Variants in ADH1B observed in about 807,000 individuals in gnomAD.
The protein encoded by ADH1B is all-trans-retinol dehydrogenase [NAD(+)] ADH1B.
A neutral mutation model predicts 34.6 loss-of-function variants in ADH1B; 29 were observed. That is an observed-to-expected ratio of 0.84 (90% CI 0.62 to 1.14). The LOEUF is 1.14. Ranked by LOEUF, ADH1B falls within the 50% of genes most tolerant of loss-of-function variation. The pLI, the probability that ADH1B is intolerant of heterozygous loss-of-function variation, is 0.00. For missense variants in ADH1B, 424 were observed against 468.4 expected (o/e 0.91, Z 0.87); for synonymous variants, 170 against 175.5 (o/e 0.97, Z 0.25).
chr4:99,314,198 C>T (rs2110634287), intron 5 of ADH1B, 117 bp from the exon 6 acceptor site: 1 of 1,486,398 alleles, frequency 6.7e-7, no homozygotes, highest in Non-Finnish European at 9.0e-7. Context: ...TTTTGTCCAA[C>T]CGTTTATCAA....
At position 99,318,133 on chromosome 4, in the gene ADH1B, G is replaced by C. The variant is rs1733934557; in HGVS notation, c.172C>G (p.Leu58Val). ...HTDDHVVSGN[L>V]VTPLPVILGH... ...AAAATCACAGGAAGGGGGGTCACCA[G>C]GTTGCCACTAACCACGTGGTCATCT... The change falls in exon 3 of 9, where the codon CTG (leucine) becomes GTG (valine). Residue 58 changes from leucine to valine, a missense_variant. Coordinates refer to ENST00000305046, the MANE Select transcript of ADH1B (RefSeq NM_000668.6). 1 of 1,614,120 alleles carries C rather than the reference G, an allele frequency of 6.2e-7. No individual in the cohort carries two copies. Among genetic ancestry groups the C allele is most frequent in the Non-Finnish European group, 8.5e-7 (1 of 1,180,008 alleles).
chr4:99,307,948 T>A, intron 8 of ADH1B, 84 bp from the exon 9 acceptor site: 2 of 1,574,314 alleles, frequency 1.3e-6, no homozygotes, highest in Non-Finnish European at 8.7e-7. Context: ...ATCTGAGGTG[T>A]CTTAGTGAAA....
chr4:99,317,518 C>G, intron 3 of ADH1B: 1 of 152,480 alleles, frequency 6.6e-6, no homozygotes, highest in Non-Finnish European at 1.5e-5. Context: ...TGATTCCATG[C>G]TCAGGAAGAG....
At chr4:99,308,493 ACG>A (rs1347209769) in intron 8 of ADH1B, among the ~76,000 whole-genome samples, 1 of 151,714 alleles carries the variant, frequency 6.6e-6, no homozygotes. Flanking sequence ...GACCTTTGAT[ACG>A]GATGTTTAAG....
intron 8 of ADH1B, chr4:99,310,308 T>G (rs1040901512): frequency 2.3e-6 from 1 of 432,962 alleles, no homozygotes; most frequent in African/African-American, 2.1e-5. Context: ...TAGAAAACAA[T>G]CCCAATGTAG....
In ADH1B at chr4:99,316,277, A is replaced by G; in HGVS notation, c.285T>C (p.Thr95=). 3 of 1,614,196 alleles carry G rather than the reference A, an allele frequency of 1.9e-6. No homozygotes were observed. The highest frequency in any genetic ancestry group is 2.5e-6 in the Non-Finnish European group (3 of 1,180,028). The change falls in exon 4 of 9, where the codon ACT becomes ACC. Residue 95 remains threonine (T), a synonymous_variant. Transcript: ENST00000305046. ...AAACTCTGCATTTTCCACACTGAGG[A>G]GTAAAGAGCGGGATGACTTTATCAC... The part of the protein sequence containing the change: ...KPGDKVIPLF[T]PQCGKCRVCK...
At chr4:99,316,189 G>C (rs1560528938) in intron 4 of ADH1B, 26 bp downstream of exon 4, 1 of 1,613,994 alleles carries the variant, frequency 6.2e-7, no homozygotes, top group Non-Finnish European at 8.5e-7. Context: ...CTCAAAGTCT[G>C]TGCAAAGAGA....
chr4:99,321,311 T>A lies in ADH1B; in HGVS notation c.18+3A>T. The stretch of plus-strand genomic sequence containing the variant: ...TACCAACAGTAATATATTTTTTGCT[T>A]ACTTTTCCTGCTGTGCTCATGTCGT... On this transcript the variant is annotated splice_donor_region_variant and intron_variant, in intron 1 of 8. Coordinates refer to ENST00000305046, the MANE Select transcript of ADH1B (RefSeq NM_000668.6). The A allele has an allele frequency of 6.2e-7, 1 of 1,610,904 alleles. No homozygotes were observed. Among genetic ancestry groups the A allele is most frequent in the Non-Finnish European group, 8.5e-7 (1 of 1,177,766 alleles).
intron 8 of ADH1B, among the ~76,000 whole-genome samples, chr4:99,308,495 G>T (rs1356001371): frequency 6.6e-6 from 1 of 151,382 alleles, no homozygotes; most frequent in Admixed American, 6.6e-5. Context: ...CCTTTGATAC[G>T]GATGTTTAAG....
intron 3 of ADH1B, 81 bp downstream of exon 3, chr4:99,317,965 C>G: frequency 2.6e-5 from 41 of 1,580,702 alleles, no homozygotes; most frequent in Non-Finnish European, 3.4e-5. Context: ...ACTTTCGTCT[C>G]TCATTGCCTT....
At chr4:99,312,056 CATT>C (rs1446764255) in intron 6 of ADH1B, among the ~76,000 whole-genome samples, 2 of 152,176 alleles carry the variant, frequency 1.3e-5, no homozygotes, top group Non-Finnish European at 2.9e-5. Flanking sequence ...ATGTTTTAAA[CATT>C]GTTTTTTTAC....
chr4:99,310,582 T>TG (rs1399650500), intron 8 of ADH1B, among the ~76,000 whole-genome samples, 183 bp downstream of exon 8: 6 of 152,200 alleles, frequency 3.9e-5, no homozygotes, highest in Non-Finnish European at 7.3e-5. Context: ...GAATAGGAAA[T>TG]GCAAAGCAAC....
chr4:99,320,984 C>A lies in ADH1B; in HGVS notation c.18+330G>T, dbSNP rs547052767. 691 of 1,100,778 alleles carry A rather than the reference C, an allele frequency of 6.3e-4. 4 individuals are homozygous for A. The Middle Eastern group carries it at 8.3e-3, about 13-fold the overall frequency. The allele number at this position is 1,100,778 out of a possible 1,614,324, so 68.2% of individuals were successfully genotyped here. On this transcript the variant is annotated intron_variant, in intron 1 of 8. Transcript: ENST00000305046. ...TTATGGTTTCTTATTATAAAGATAA[C>A]TTGCCATTAAAGACTTTTCTAACTT... is the stretch of plus-strand genomic sequence containing the variant.
chr4:99,318,915 AGTGTTTTCCCACTCTTGAAGTCAT>A, intron 1 of ADH1B, 29 bp from the exon 2 acceptor site: 3 of 1,601,594 alleles, frequency 1.9e-6, no homozygotes, highest in Non-Finnish European at 1.7e-6. Context: ...AGATGGTGAC[AGTGTTTTCCCACTCTTGAAGTCAT>A]AAGTTGTGTC....
At position 99,313,867 on chromosome 4, in the gene ADH1B, C is replaced by T; in HGVS notation, c.782G>A (p.Gly261Glu). ...GACTTCAAACGAAAAATCCACACCT[C>T]CATCAGTCATTTCCTTTAGCACTTC... Reference protein sequence around the residue: ...IQEVLKEMTDGGVDFSFEVIG... With the variant: ...IQEVLKEMTDEGVDFSFEVIG... Residue 261 changes from glycine to glutamate, a missense_variant, in exon 6 of 9, where the codon GGA becomes GAA. Gly to Glu is a moderately conservative substitution (Grantham distance 98). Around this residue, in one of 3 missense-constraint regions of ADH1B, gnomAD observed 130 missense variants for 151.8 expected, o/e 0.86. Coordinates refer to ENST00000305046, the MANE Select transcript of ADH1B (RefSeq NM_000668.6). The T allele has an allele frequency of 1.2e-6, 2 of 1,614,080 alleles. No homozygotes were observed. Among genetic ancestry groups the T allele is most frequent in the African/African-American group, 2.7e-5 (2 of 75,056 alleles).
intron 5 of ADH1B, chr4:99,315,420 T>A (rs999493893): frequency 1.0e-5 from 2 of 191,364 alleles, no homozygotes; most frequent in African/African-American, 4.7e-5. Flanking sequence ...ATCCACAGAG[T>A]GGGTGAGCCT....
intron 6 of ADH1B, among the ~76,000 whole-genome samples, 177 bp from the exon 7 acceptor site, chr4:99,311,833 G>A (rs1471894738): frequency 1.3e-5 from 2 of 152,176 alleles, no homozygotes; most frequent in African/African-American, 4.8e-5. Flanking sequence ...TTCAGGAAAT[G>A]CCCAGAAAAT....
In ADH1B at chr4:99,321,369, G is replaced by A. The variant is rs1157596387; in HGVS notation, c.-38C>T. On this transcript the variant is annotated 5_prime_UTR_variant, in exon 1 of 9. Coordinates refer to ENST00000305046, the MANE Select transcript of ADH1B (RefSeq NM_000668.6). ...TTCTCTGCCCACCAGCAGACTGTGAGTCTTTGTGGATTTCTTCTCTGCTTG... is the reference window on the plus strand; with the variant it reads ...TTCTCTGCCCACCAGCAGACTGTGAATCTTTGTGGATTTCTTCTCTGCTTG... 4.4e-6 allele frequency: 7 copies of A among 1,608,274 alleles called. No homozygotes were observed. In the East Asian group the frequency reaches 1.3e-4, roughly 31 times the overall value.
chr4:99,306,165 C>A lies in ADH1B; in HGVS notation c.*1675G>T, dbSNP rs968560504. 3.3e-5 allele frequency: 5 copies of A among 152,176 alleles called. No individual in the cohort carries two copies. The highest frequency in any genetic ancestry group is 1.2e-4 in the African/African-American group (5 of 41,404). The allele number at this position is 152,176 out of a possible 1,614,324, so 9.4% of individuals were successfully genotyped here. ...GGATTACAGCCACCTGCCACCATGC[C>A]TGGCAAATTTTTGTATTTTTAGTAG... On this transcript the variant is annotated 3_prime_UTR_variant, in exon 9 of 9. Transcript: ENST00000305046.
Sources: allele counts gnomAD v4.1 joint callset (sites outside exome capture counted in the v4.1 genomes callset), GRCh38; gene constraint gnomAD v4.1.1; regional missense constraint gnomAD v4.1.1; transcripts MANE v1.5; gene names NCBI Gene and HGNC (gene_info 2026-07-23, HGNC 2026-07-21).